The following ZIM2 variants were observed in gnomAD, a reference collection of about 807,000 sequenced individuals.
The protein encoded by ZIM2 is zinc finger protein 656.
A neutral mutation model predicts 38.6 loss-of-function variants in ZIM2; 14 were observed. The ratio of observed to expected loss-of-function variants is 0.36; its 90% CI spans 0.24 to 0.57. The LOEUF is 0.57. ZIM2 is among the 20% of genes least tolerant of loss of function. The probability of loss-of-function intolerance (pLI) is 0.81; values close to 1 mark genes in which losing one functional copy is unlikely to be tolerated. For missense variants in ZIM2, 680 were observed against 695.1 expected, an observed-to-expected ratio of 0.98 and a Z score of 0.24; for synonymous variants, 247 against 245.8, an observed-to-expected ratio of 1.00 and a Z score of -0.04.
chr19:56,790,729 A>T (rs536741782), intron 9 of ZIM2, among the ~76,000 whole-genome samples: 1 of 152,336 alleles, frequency 6.6e-6, no homozygotes, highest in South Asian at 2.1e-4. Context: ...TATGTAGAGG[A>T]AAAGACATAG....
chr19:56,794,833 G>A (rs973760598), intron 9 of ZIM2, among the ~76,000 whole-genome samples: 1 of 152,110 alleles, frequency 6.6e-6, no homozygotes, highest in Non-Finnish European at 1.5e-5. Flanking sequence ...TTTGCCCTAG[G>A]CCCTGCAAAT....
chr19:56,838,883 C>G (rs748683921), intron 1 of ZIM2, among the ~76,000 whole-genome samples: 35 of 152,180 alleles, frequency 2.3e-4, no homozygotes, highest in Non-Finnish European at 4.9e-4. Flanking sequence ...ACCTATGCGG[C>G]AAACCGCAGC....
intron 2 of ZIM2, among the ~76,000 whole-genome samples, chr19:56,827,697 G>A (rs552838716): frequency 1.3e-5 from 2 of 152,214 alleles, no homozygotes; most frequent in African/African-American, 4.8e-5. Context: ...TTGAAGTGTT[G>A]TTAATAGACA....
At chr19:56,839,938 T>C (rs7258812) in intron 1 of ZIM2, among the ~76,000 whole-genome samples, 130,197 of 152,330 alleles carry the variant, frequency 0.85, 55,937 homozygotes, top group East Asian at 0.99. Flanking sequence ...CAGCCGCCCT[T>C]ATTTAAGATA....
In ZIM2 at chr19:56,778,322, A is replaced by G. The variant is rs75627608; in HGVS notation, c.835+1055T>C. Among the ~76,000 whole-genome samples the G allele has an allele frequency of 4.2e-3, 647 of 152,282 alleles. 7 individuals are homozygous for G. The highest frequency in any genetic ancestry group is 0.014 in the African/African-American group (587 of 41,552). ...AGTAGGGAAAGAAAAGAAGACAATG[A>G]AAGAAACAGAGAGGAGTCTTCCTGG... On this transcript the variant is annotated intron_variant, in intron 12 of 12. Coordinates refer to ENST00000629319, the MANE Select transcript of ZIM2 (RefSeq NM_001387356.1).
At chr19:56,801,698 A>G (rs1568586193) in intron 9 of ZIM2, among the ~76,000 whole-genome samples, 1 of 152,212 alleles carries the variant, frequency 6.6e-6, no homozygotes, top group Admixed American at 6.5e-5. Flanking sequence ...GACCAATCCC[A>G]TAGAGAAGAG....
intron 9 of ZIM2, among the ~76,000 whole-genome samples, chr19:56,796,080 C>T (rs1318345492): frequency 3.3e-5 from 5 of 152,128 alleles, no homozygotes; most frequent in Admixed American, 3.3e-4. Context: ...TGAAGTGCCC[C>T]ACCAATGTTT....
intron 4 of ZIM2, 43 bp from the exon 5 acceptor site, chr19:56,823,722 T>A (rs1294533836): frequency 1.2e-6 from 2 of 1,608,500 alleles, no homozygotes; most frequent in African/African-American, 2.7e-5. Context: ...CTGGCCCACA[T>A]TCTCACAATA....
intron 9 of ZIM2, among the ~76,000 whole-genome samples, chr19:56,795,569 G>A (rs1403337415): frequency 2.0e-5 from 3 of 152,220 alleles, no homozygotes; most frequent in Admixed American, 1.3e-4. Flanking sequence ...TGCGGTGGAC[G>A]GGCTGAGGAA....
chr19:56,783,300 A>G (rs1478254767), intron 10 of ZIM2, among the ~76,000 whole-genome samples: 1 of 152,204 alleles, frequency 6.6e-6, no homozygotes, highest in Admixed American at 6.5e-5. Flanking sequence ...TTTAAAAGGC[A>G]GATACCATAT....
At chr19:56,821,618 G>A in intron 7 of ZIM2, 33 bp downstream of exon 7, 1 of 1,608,378 alleles carries the variant, frequency 6.2e-7, no homozygotes, top group Non-Finnish European at 8.5e-7. Context: ...AATGAAGATG[G>A]CCTTTCTAGA....
chr19:56,800,778 G>A (rs554411872), intron 9 of ZIM2, among the ~76,000 whole-genome samples: 1 of 152,134 alleles, frequency 6.6e-6, no homozygotes, highest in Non-Finnish European at 1.5e-5. Context: ...GCATGTCATA[G>A]ATGGTCTGTG....
chr19:56,825,933 G>A (rs1348259216), intron 3 of ZIM2, among the ~76,000 whole-genome samples: 2 of 152,190 alleles, frequency 1.3e-5, no homozygotes, highest in Non-Finnish European at 2.9e-5. Context: ...ACTCGTCTCA[G>A]TGATGGGCTC....
chr19:56,824,373 G>A lies in ZIM2; in HGVS notation c.-96C>T. The A allele has an allele frequency of 6.2e-7, 1 of 1,614,178 alleles. No homozygotes were observed. The highest frequency in any genetic ancestry group is 8.5e-7 in the Non-Finnish European group (1 of 1,180,036). On this transcript the variant is annotated 5_prime_UTR_variant, in exon 4 of 13. Transcript: ENST00000629319. ...TTGAGCTTTTCAGGGATGATGGTCA[G>A]GTACTGCTCAAGGACCAAGAGCTCG...
intron 7 of ZIM2, among the ~76,000 whole-genome samples, chr19:56,819,001 C>T (rs528525556): frequency 3.9e-5 from 6 of 152,242 alleles, no homozygotes; most frequent in South Asian, 2.1e-4. Context: ...AACAATAAAT[C>T]GGGGTACAGA....
At chr19:56,802,073 C>T (rs1017831743) in intron 9 of ZIM2, among the ~76,000 whole-genome samples, 24 of 152,184 alleles carry the variant, frequency 1.6e-4, no homozygotes, top group African/African-American at 5.8e-4. Context: ...GGGACTGTCT[C>T]CTTCATGTCT....
intron 9 of ZIM2, among the ~76,000 whole-genome samples, chr19:56,805,476 C>T (rs1439351982): frequency 6.6e-6 from 1 of 152,154 alleles, no homozygotes; most frequent in Non-Finnish European, 1.5e-5. Flanking sequence ...TCCTTACTTG[C>T]TTTATCTAAG....
At chr19:56,782,146 C>G in intron 10 of ZIM2, 25 bp from the exon 11 acceptor site, 1 of 1,609,170 alleles carries the variant, frequency 6.2e-7, no homozygotes, top group South Asian at 1.1e-5. Context: ...GGAGAAGGGA[C>G]GTGATTAGAG....
chr19:56,832,989 G>GA (rs1463823870), intron 2 of ZIM2, among the ~76,000 whole-genome samples: 3 of 152,156 alleles, frequency 2.0e-5, no homozygotes, highest in Non-Finnish European at 4.4e-5. Context: ...TAATAAAGAT[G>GA]AAACTCATCA....
Sources: gnomAD v4.1 joint callset for allele counts (sites outside exome capture counted in the v4.1 genomes callset) on GRCh38, gnomAD v4.1.1 for gene constraint, MANE v1.5 for transcripts, NCBI Gene and HGNC (gene_info 2026-07-23, HGNC 2026-07-21) for gene names.